Variants in AZIN2 observed in about 807,000 individuals in gnomAD.
AZIN2 encodes the protein antizyme inhibitor 2.
AZIN2 carries 28 observed loss-of-function variants against 47.8 expected under a neutral mutation model. The ratio of observed to expected loss-of-function variants is 0.59; its 90% CI spans 0.43 to 0.80. The LOEUF (loss-of-function observed/expected upper bound fraction) is 0.80. Among genes scored for constraint, AZIN2 ranks in the 30% least tolerant of loss-of-function variants. The pLI is 0.00. For synonymous variants in AZIN2, 221 were observed against 239.4 expected (o/e 0.92, Z 0.71); for missense variants, 535 against 582.5 (o/e 0.92, Z 0.84).
the AZIN2 span, chr1:33,145,890 C>T: frequency 4.2e-6 from 2 of 471,080 alleles, no homozygotes; most frequent in East Asian, 6.9e-5. Flanking sequence ...GACTCCCTTG[C>T]AGCCAAGGTT....
chr1:33,154,446 C>T, the AZIN2 span, among the ~76,000 whole-genome samples: 8 of 152,122 alleles, frequency 5.3e-5, no homozygotes, highest in Non-Finnish European at 1.0e-4. Flanking sequence ...TTCTCTCTTC[C>T]ATTATCTTGC....
the AZIN2 span, among the ~76,000 whole-genome samples, chr1:33,136,487 GCC>G: frequency 6.6e-6 from 1 of 151,742 alleles, no homozygotes; most frequent in African/African-American, 2.4e-5. Context: ...TCATGCCTCA[GCC>G]TACCGAGTAG....
chr1:33,128,372 G>A (rs1411273353), downstream of AZIN2, among the ~76,000 whole-genome samples: 1 of 152,076 alleles, frequency 6.6e-6, no homozygotes, highest in African/African-American at 2.4e-5. Context: ...GTGAGACCTC[G>A]TCTCCAAAAG....
At chr1:33,127,154 C>T (rs372580003), downstream of AZIN2, among the ~76,000 whole-genome samples, 6 of 152,322 alleles carry the variant, frequency 3.9e-5, no homozygotes, top group South Asian at 6.2e-4. Context: ...TGAGAAGCTC[C>T]TTCCTCCAAA....
chr1:33,096,954 A>C, intron 9 of AZIN2, 85 bp downstream of exon 9: 1 of 1,542,846 alleles, frequency 6.5e-7, no homozygotes, highest in Non-Finnish European at 8.9e-7. Context: ...TTTTAGACCC[A>C]GTGGCAGAGG....
the AZIN2 span, among the ~76,000 whole-genome samples, chr1:33,129,299 T>G: frequency 6.6e-6 from 1 of 152,168 alleles, no homozygotes; most frequent in Non-Finnish European, 1.5e-5. This position sits in a 1 kb window ranked among gnomAD's most constrained non-coding sequence, Gnocchi z 4.1. Context: ...TAACTCTGAT[T>G]TACAACCCAA....
In AZIN2 at chr1:33,084,075, G is replaced by T. The variant is rs530468821; in HGVS notation, c.227G>T (p.Gly76Val). 1.2e-6 allele frequency: 2 copies of T among 1,613,716 alleles called. No individual in the cohort carries two copies. The highest frequency in any genetic ancestry group is 2.2e-5 in the South Asian group (2 of 91,066). Residue 76 changes from glycine to valine, a missense_variant, in exon 5 of 12, where the codon GGT becomes GTT. By Grantham distance (109) the Gly-to-Val change is moderately radical. Around this residue, in one of 3 missense-constraint regions of AZIN2, gnomAD observed 409 missense variants for 429.0 expected, o/e 0.95. Transcript: ENST00000294517. The part of the protein sequence containing the change: ...FYAVKCNSSP[G>V]VLKVLAQLGL... ...GCTGTCAAGTGCAACAGCAGCCCAG[G>T]TGTGCTGAAGGTTCTGGCCCAGCTG...
At chr1:33,159,015 A>ATT in the AZIN2 span, among the ~76,000 whole-genome samples, 1 of 149,890 alleles carries the variant, frequency 6.7e-6, no homozygotes, top group Non-Finnish European at 1.5e-5. The surrounding 1 kb of genome is among the most constrained non-coding windows in gnomAD (Gnocchi z 4.2). Context: ...TAATTTTTGT[A>ATT]TTTTTTTTTA....
chr1:33,130,734 A>G, the AZIN2 span, among the ~76,000 whole-genome samples: 1 of 152,254 alleles, frequency 6.6e-6, no homozygotes, highest in African/African-American at 2.4e-5. Context: ...TTTGTTAGGC[A>G]GCAATAGATA....
intron 4 of AZIN2, 64 bp downstream of exon 4, chr1:33,082,418 A>T (rs1641381084): frequency 1.7e-6 from 2 of 1,153,584 alleles, no homozygotes; most frequent in African/African-American, 3.1e-5. Context: ...CTCCTCAGGA[A>T]GGGTCCCTAG....
intron 10 of AZIN2, among the ~76,000 whole-genome samples, chr1:33,100,137 A>G (rs1643557408): frequency 1.3e-5 from 2 of 152,096 alleles, no homozygotes; most frequent in Admixed American, 6.6e-5. Flanking sequence ...TCTAGCCAAC[A>G]TGGTGAAACC....
chr1:33,164,718 G>A, the AZIN2 span: 1 of 152,244 alleles, frequency 6.6e-6, no homozygotes, highest in South Asian at 2.1e-4. Context: ...GCCACCTCTG[G>A]AGGGCTTCGA....
chr1:33,142,995 A>G, the AZIN2 span: 6 of 152,190 alleles, frequency 3.9e-5, no homozygotes, highest in Admixed American at 3.3e-4. Flanking sequence ...GGGGCTCCAA[A>G]TGGGGTTACT....
chr1:33,124,584 A>G (rs138330813), downstream of AZIN2, among the ~76,000 whole-genome samples: 1,588 of 152,136 alleles, frequency 0.01, 30 homozygotes, highest in East Asian at 0.08. This position sits in a 1 kb window ranked among gnomAD's most constrained non-coding sequence, Gnocchi z 4.6. Flanking sequence ...GGTTTGTTAC[A>G]TATGTATACA....
rs149794141 is a variant in AZIN2 at position 33,095,833 on chromosome 1, C to G, written c.754-874C>G. Among the ~76,000 whole-genome samples, 442 of 151,998 alleles carry G rather than the reference C, an allele frequency of 2.9e-3. 4 individuals carry two copies. The highest frequency in any genetic ancestry group is 0.01 in the African/African-American group (426 of 41,292). ...TACTGTATTCTTACAATAAAGTAAGCTAGAGGAAATAATTTTTTTTTTGAG... is the reference window on the plus strand; with the variant it reads ...TACTGTATTCTTACAATAAAGTAAGGTAGAGGAAATAATTTTTTTTTTGAG... On this transcript the variant is annotated intron_variant, in intron 8 of 11. Transcript: ENST00000294517.
At chr1:33,127,619 C>T (rs1030221729), downstream of AZIN2, among the ~76,000 whole-genome samples, 4 of 152,230 alleles carry the variant, frequency 2.6e-5, no homozygotes, top group African/African-American at 9.6e-5. Context: ...ATTTGCGCAT[C>T]AGCTACTTTC....
chr1:33,141,108 G>A, the AZIN2 span, among the ~76,000 whole-genome samples: 1 of 152,042 alleles, frequency 6.6e-6, no homozygotes, highest in Non-Finnish European at 1.5e-5. Flanking sequence ...TGGGGCCCGT[G>A]ATGCTGACTG....
chr1:33,159,272 A>T, the AZIN2 span, among the ~76,000 whole-genome samples: 1 of 152,190 alleles, frequency 6.6e-6, no homozygotes, highest in Non-Finnish European at 1.5e-5. This position sits in a 1 kb window ranked among gnomAD's most constrained non-coding sequence, Gnocchi z 4.2. Context: ...TCATAAATAA[A>T]ATAATATGTA....
downstream of AZIN2, among the ~76,000 whole-genome samples, chr1:33,125,832 T>C (rs760551150): frequency 1.3e-5 from 2 of 152,142 alleles, no homozygotes; most frequent in Non-Finnish European, 2.9e-5. Context: ...TTCAGGTCTT[T>C]GCTCAAATGT....
Sources: gnomAD v4.1 joint callset for allele counts (sites outside exome capture counted in the v4.1 genomes callset) on GRCh38, gnomAD v4.1.1 for gene constraint, gnomAD v4.1.1 regional missense constraint, Gnocchi (gnomAD v3.1) non-coding constraint, MANE v1.5 for transcripts, NCBI Gene and HGNC (gene_info 2026-07-23, HGNC 2026-07-21) for gene names.